The following KIAA0232 variants were observed in gnomAD, a reference collection of about 807,000 sequenced individuals.
The protein encoded by KIAA0232 is KIAA0232.
Under a neutral mutation model 122.0 loss-of-function variants are expected in KIAA0232, and 27 were observed. The ratio of observed to expected loss-of-function variants is 0.22; its 90% CI spans 0.16 to 0.31. KIAA0232 has a LOEUF of 0.31. KIAA0232 is among the 10% of genes least tolerant of loss of function. KIAA0232 has a pLI of 1.00. For synonymous variants in KIAA0232, 613 were observed against 587.6 expected (o/e 1.04, Z -0.63); for missense variants, 1,551 against 1,634.2 (o/e 0.95, Z 0.88).
rs867525080 is a variant in KIAA0232 at position 6,793,062 on chromosome 4, T to C, written c.-354+10221T>C. ...CCCACAAATTATGTAGCCAGTCCTA[T>C]GAAGACTTCATAAAAACTCGTAGTA... On this transcript the variant is annotated intron_variant, in intron 1 of 9. Transcript: ENST00000307659. 4.9e-4 allele frequency among the ~76,000 whole-genome samples: 75 copies of C among 152,294 alleles called. 1 individual carries two copies. In the Middle Eastern group the frequency reaches 0.01, roughly 21 times the overall value.
intron 4 of KIAA0232, among the ~76,000 whole-genome samples, chr4:6,848,499 A>G (rs1720095269): frequency 6.6e-6 from 1 of 152,202 alleles, no homozygotes; most frequent in African/African-American, 2.4e-5. Flanking sequence ...AACTACACCC[A>G]TAGCATTTAC....
chr4:6,846,538 G>A (rs955704293), intron 4 of KIAA0232, among the ~76,000 whole-genome samples: 5 of 151,844 alleles, frequency 3.3e-5, no homozygotes, highest in African/African-American at 9.7e-5. Flanking sequence ...GTTTCATCCC[G>A]AACCCCATGC....
intron 2 of KIAA0232, among the ~76,000 whole-genome samples, chr4:6,816,600 T>C (rs1577368869): frequency 2.0e-5 from 3 of 151,458 alleles, no homozygotes; most frequent in East Asian, 3.8e-4. Context: ...GTAATATCTT[T>C]ATTGGCTTTT....
chr4:6,832,715 A>G (rs2109076942), intron 3 of KIAA0232, among the ~76,000 whole-genome samples: 1 of 152,310 alleles, frequency 6.6e-6, no homozygotes, highest in Admixed American at 6.5e-5. Flanking sequence ...TTCCTGGAAT[A>G]TACAAGAGGC....
intron 4 of KIAA0232, among the ~76,000 whole-genome samples, chr4:6,850,859 G>A (rs1283911829): frequency 4.6e-5 from 7 of 152,036 alleles, no homozygotes; most frequent in East Asian, 1.9e-4. Flanking sequence ...TAGTAGAGAC[G>A]GGATTTCACC....
intron 4 of KIAA0232, among the ~76,000 whole-genome samples, chr4:6,849,652 G>GCCT (rs1241675931): frequency 2.6e-5 from 4 of 152,074 alleles, no homozygotes; most frequent in Non-Finnish European, 5.9e-5. Context: ...GGTGGTGCAT[G>GCCT]CCTGTAGTCC....
In KIAA0232 at chr4:6,873,209, A is replaced by G. The variant is rs559440453; in HGVS notation, c.3910+1527A>G. On this transcript the variant is annotated intron_variant, in intron 8 of 9. Transcript: ENST00000307659. ...GATGAGGAAGCTGAGTCTCAAGTTT[A>G]GTACTGTAATTTGCCCGAAATCACA... 1.2e-4 allele frequency among the ~76,000 whole-genome samples: 18 copies of G among 152,334 alleles called. No homozygotes were observed. In the South Asian group the frequency reaches 3.7e-3, roughly 32 times the overall value.
intron 1 of KIAA0232, 38 bp from the exon 2 acceptor site, chr4:6,804,485 G>A (rs570095405): frequency 3.1e-4 from 47 of 152,304 alleles, no homozygotes; most frequent in African/African-American, 1.1e-3. Flanking sequence ...TGGTAGGTAC[G>A]TCTTTGATAC....
chr4:6,853,944 C>T (rs1720431542), intron 4 of KIAA0232, among the ~76,000 whole-genome samples: 1 of 152,148 alleles, frequency 6.6e-6, no homozygotes, highest in African/African-American at 2.4e-5. Context: ...TTCAACCCCA[C>T]CCCACAGCCA....
At chr4:6,810,804 C>T (rs769168501) in intron 2 of KIAA0232, among the ~76,000 whole-genome samples, 2 of 152,106 alleles carry the variant, frequency 1.3e-5, no homozygotes, top group Non-Finnish European at 2.9e-5. Flanking sequence ...AGAAGACATA[C>T]ACATGGCCTA....
Position 6,882,508 on chromosome 4 carries a change from T to C in KIAA0232, c.*1542T>C, listed in dbSNP as rs1722125804. ...GAAAGTACCATCAAAGACTGTGGAG[T>C]CATTGAGGGTCTGTGTGTCCTCACC... On this transcript the variant is annotated 3_prime_UTR_variant, in exon 10 of 10. Coordinates refer to ENST00000307659, the MANE Select transcript of KIAA0232 (RefSeq NM_014743.3). 1 of 151,722 alleles carries C rather than the reference T, an allele frequency of 6.6e-6. No individual in the cohort carries two copies. The highest frequency in any genetic ancestry group is 1.5e-5 in the Non-Finnish European group (1 of 67,934). The allele number at this position is 151,722 out of a possible 1,614,324, so 9.4% of individuals were successfully genotyped here.
intron 2 of KIAA0232, among the ~76,000 whole-genome samples, chr4:6,821,467 TAC>T (rs1560173853): frequency 6.6e-6 from 1 of 152,152 alleles, no homozygotes; most frequent in Admixed American, 6.5e-5. Context: ...AGTGAAAACA[TAC>T]AGTGTTTGGT....
intron 8 of KIAA0232, among the ~76,000 whole-genome samples, chr4:6,872,223 A>G (rs1721531830): frequency 6.6e-6 from 1 of 152,196 alleles, no homozygotes. Flanking sequence ...ACAGAGTGGA[A>G]ATGGAATTGA....
At position 6,876,656 on chromosome 4, in the gene KIAA0232, T is replaced by A. The variant is rs765113817; in HGVS notation, c.3911-4T>A. ...TTTTCCCTTCTCCATTCCAAATGAT[T>A]AAGAATGTTACACAAATGCCAAGGG... On this transcript the variant is annotated splice_polypyrimidine_tract_variant and splice_region_variant and intron_variant, in intron 8 of 9. Transcript: ENST00000307659. 8.8e-6 allele frequency: 14 copies of A among 1,588,058 alleles called. No homozygotes were observed. Among genetic ancestry groups the A allele is most frequent in the Non-Finnish European group, 1.2e-5 (14 of 1,156,306 alleles).
chr4:6,872,623 G>A (rs1230078676), intron 8 of KIAA0232, among the ~76,000 whole-genome samples: 1 of 152,172 alleles, frequency 6.6e-6, no homozygotes, highest in Non-Finnish European at 1.5e-5. Flanking sequence ...TGGTCTCCTG[G>A]GCTTCTATTG....
Position 6,864,045 on chromosome 4 carries a change from A to G in KIAA0232, c.3663A>G (p.Ile1221Met). ...GTAGCATGAATGAATCCCTGGAAAT[A>G]GATTTAGAAAGCTCAGAAGCAAATT... ...LECSMNESLE[I>M]DLESSEANCK... Residue 1221 changes from isoleucine (I) to methionine (M), a missense_variant, in exon 7 of 10, where the codon ATA (isoleucine) becomes ATG (methionine). Physicochemically the swap from Ile to Met is conservative, Grantham distance 10. Coordinates refer to ENST00000307659, the MANE Select transcript of KIAA0232 (RefSeq NM_014743.3). 1 of 1,614,224 alleles carries G rather than the reference A, an allele frequency of 6.2e-7. No homozygotes were observed. The highest frequency in any genetic ancestry group is 8.5e-7 in the Non-Finnish European group (1 of 1,180,028).
At chr4:6,795,208 C>G (rs1186632806) in intron 1 of KIAA0232, among the ~76,000 whole-genome samples, 1 of 152,098 alleles carries the variant, frequency 6.6e-6, no homozygotes, top group African/African-American at 2.4e-5. Context: ...GCAGCTAGGA[C>G]TACAGGCACC....
chr4:6,801,677 GAA>G (rs367774914), intron 1 of KIAA0232, among the ~76,000 whole-genome samples: 1 of 139,718 alleles, frequency 7.2e-6, no homozygotes, highest in Non-Finnish European at 1.6e-5. Flanking sequence ...GGACGAAAAG[GAA>G]AAAAAAAAAA....
intron 3 of KIAA0232, among the ~76,000 whole-genome samples, chr4:6,837,790 A>C (rs1719403788): frequency 6.6e-6 from 1 of 152,144 alleles, no homozygotes; most frequent in Non-Finnish European, 1.5e-5. Context: ...GGCGCGTGCC[A>C]GCAATCCCAG....
Sources: gnomAD v4.1 joint callset for allele counts (sites outside exome capture counted in the v4.1 genomes callset) on GRCh38, gnomAD v4.1.1 for gene constraint, MANE v1.5 for transcripts, NCBI Gene and HGNC (gene_info 2026-07-23, HGNC 2026-07-21) for gene names.